The following IST1 variants were observed in gnomAD, a reference collection of about 807,000 sequenced individuals.
IST1 encodes IST1 factor associated with ESCRT-III, also known as IST1 homolog.
In IST1, 23 loss-of-function variants were observed where a neutral mutation model predicts 37.0. The ratio of observed to expected loss-of-function variants is 0.62; its 90% CI spans 0.45 to 0.88. The LOEUF (loss-of-function observed/expected upper bound fraction) is 0.88. Ranked by LOEUF, IST1 falls within the 40% of genes least tolerant of loss-of-function variation. IST1 has a pLI of 0.00. For synonymous variants in IST1, 180 were observed against 161.7 expected, an observed-to-expected ratio of 1.11 and a Z score of -0.86; for missense variants, 488 against 445.4, an observed-to-expected ratio of 1.10 and a Z score of -0.86.
In IST1 at chr16:71,929,508, A is replaced by C. The variant is rs1399301140; in HGVS notation, c.*1695A>C. ...CAAAGATAAGTAGTAATACGCTAAT[A>C]AATACTAAGCCAAGTAGGAGATAAC... On this transcript the variant is annotated 3_prime_UTR_variant, in exon 10 of 10. Coordinates refer to ENST00000378799, the MANE Select transcript of IST1 (RefSeq NM_001270975.2). The C allele has an allele frequency of 6.5e-7, 1 of 1,530,524 alleles. No homozygotes were observed. The highest frequency in any genetic ancestry group is 8.8e-7 in the Non-Finnish European group (1 of 1,138,972). The allele number at this position is 1,530,524 out of a possible 1,614,324, so 94.8% of individuals were successfully genotyped here. A position where few individuals can be genotyped will look rare whatever the true frequency, so the allele number is the denominator to read the frequency against.
At chr16:71,907,325 T>C (rs2037247216) in intron 1 of IST1, among the ~76,000 whole-genome samples, 1 of 151,432 alleles carries the variant, frequency 6.6e-6, no homozygotes, top group Non-Finnish European at 1.5e-5. Context: ...TCGCCCATGC[T>C]GGAGTGCAGT....
intron 1 of IST1, among the ~76,000 whole-genome samples, chr16:71,895,794 C>T (rs2036953283): frequency 6.6e-6 from 1 of 152,226 alleles, no homozygotes; most frequent in Non-Finnish European, 1.5e-5. Flanking sequence ...GCTGCCCAGG[C>T]CTGGGTGGGG....
At chr16:71,915,576 C>T (rs1413290052) in intron 1 of IST1, 50 bp from the exon 2 acceptor site, 1 of 1,293,500 alleles carries the variant, frequency 7.7e-7, no homozygotes. Flanking sequence ...GTGTTAGTTC[C>T]TGAACTAATG....
intron 4 of IST1, among the ~76,000 whole-genome samples, chr16:71,918,565 C>T (rs1029289782): frequency 4.0e-5 from 6 of 151,852 alleles, no homozygotes; most frequent in Admixed American, 2.6e-4. Context: ...TACAGGTGCC[C>T]GCCACCATGC....
intron 4 of IST1, 63 bp from the exon 5 acceptor site, chr16:71,920,676 A>C: frequency 1.7e-6 from 2 of 1,176,572 alleles, no homozygotes; most frequent in Non-Finnish European, 2.5e-6. Context: ...GTTGCCAGGA[A>C]GAAGCTTAAA....
At chr16:71,894,669 G>A (rs914672802), upstream of IST1, 6 of 550,924 alleles carry the variant, frequency 1.1e-5, no homozygotes, top group East Asian at 1.9e-4. Context: ...GAGACCACAA[G>A]TGCTCACTGC....
intron 1 of IST1, among the ~76,000 whole-genome samples, chr16:71,899,322 T>C (rs932926671): frequency 6.6e-6 from 1 of 152,150 alleles, no homozygotes; most frequent in African/African-American, 2.4e-5. Flanking sequence ...CTCATGCCTG[T>C]AATCCCAGCA....
intron 1 of IST1, 115 bp downstream of exon 1, chr16:71,895,704 G>A (rs1218102885): frequency 1.1e-5 from 3 of 264,080 alleles, no homozygotes; most frequent in Non-Finnish European, 1.8e-5. Flanking sequence ...TTCGGAGGGG[G>A]CAGCTGAGGA....
Position 71,895,567 on chromosome 16 carries a change from C to G in IST1, c.-38C>G. On this transcript the variant is annotated 5_prime_UTR_variant, in exon 1 of 10. Coordinates refer to ENST00000378799, the MANE Select transcript of IST1 (RefSeq NM_001270975.2). The stretch of plus-strand genomic sequence containing the variant: ...TGAACCCTGAAGTCGGTGTCTGCTG[C>G]GTTCACGGCAGGATTCGGTTAGGTG... The G allele has an allele frequency of 2.0e-6, 2 of 985,358 alleles. No individual in the cohort carries two copies. The highest frequency in any genetic ancestry group is 2.4e-6 in the Non-Finnish European group (2 of 829,758). 61.0% of individuals were successfully genotyped at this position (985,358 alleles called of 1,614,324 possible). A position where few individuals can be genotyped will look rare whatever the true frequency, so the allele number is the denominator to read the frequency against.
intron 4 of IST1, among the ~76,000 whole-genome samples, chr16:71,918,316 C>G (rs1597250459): frequency 1.4e-5 from 2 of 138,096 alleles, no homozygotes; most frequent in Admixed American, 1.4e-4. Flanking sequence ...TAACTCCCCC[C>G]AGAGAATAAA....
At chr16:71,917,189 T>C (rs1349341492) in intron 4 of IST1, 55 bp downstream of exon 4, 1 of 1,118,326 alleles carries the variant, frequency 8.9e-7, no homozygotes, top group African/African-American at 1.6e-5. Context: ...TTAGAAAGGT[T>C]GGTTAATATA....
chr16:71,927,552 G>C (rs2037775213), intron 9 of IST1, 62 bp from the exon 10 acceptor site: 1 of 1,173,010 alleles, frequency 8.5e-7, no homozygotes, highest in East Asian at 2.3e-5. Flanking sequence ...TATTTTTACT[G>C]CCAAAGGGGA....
chr16:71,925,926 C>T (rs568813481), intron 9 of IST1, among the ~76,000 whole-genome samples: 1 of 148,452 alleles, frequency 6.7e-6, no homozygotes, highest in East Asian at 2.1e-4. Context: ...AAAGTGAGAC[C>T]CTGTCTTAAA....
intron 1 of IST1, among the ~76,000 whole-genome samples, chr16:71,900,300 A>G (rs958489716): frequency 2.0e-5 from 3 of 151,144 alleles, no homozygotes; most frequent in African/African-American, 7.3e-5. Context: ...TAGAGCTACA[A>G]ACACTGAGTT....
rs553458773 is a variant in IST1 at position 71,916,714 on chromosome 16, C to T, written c.269+72C>T. 837 of 1,270,302 alleles carry T rather than the reference C, an allele frequency of 6.6e-4. 16 individuals are homozygous for T. In the South Asian group the frequency reaches 0.011, roughly 17 times the overall value. The allele number at this position is 1,270,302 out of a possible 1,614,324, so 78.7% of individuals were successfully genotyped here. Reference sequence around the variant, plus strand: ...AAAGGAGTAATATGATCTCTTTCTGCATTAAGGGACTATTTCACATGCCCA... The same window carrying T: ...AAAGGAGTAATATGATCTCTTTCTGTATTAAGGGACTATTTCACATGCCCA... On this transcript the variant is annotated intron_variant, in intron 3 of 9. Coordinates refer to ENST00000378799, the MANE Select transcript of IST1 (RefSeq NM_001270975.2).
intron 4 of IST1, among the ~76,000 whole-genome samples, chr16:71,920,050 C>G (rs571901844): frequency 6.6e-6 from 1 of 152,150 alleles, no homozygotes; most frequent in Admixed American, 6.6e-5. Flanking sequence ...TGTCCTGATT[C>G]CATTGGCTGG....
At position 71,900,017 on chromosome 16, in the gene IST1, T is replaced by A. The variant is rs1187488879; in HGVS notation, c.-16+4428T>A. ...GTCTCAAAAAAAAAAAAAAAAAAAA[T>A]TAGCTGGGCGTGATGGCAGACACCT... On this transcript the variant is annotated intron_variant, in intron 1 of 9. Transcript: ENST00000378799. Among the ~76,000 whole-genome samples the A allele has an allele frequency of 1.4e-3, 146 of 106,086 alleles. 1 individual carries two copies. The highest frequency in any genetic ancestry group is 2.3e-3 in the Non-Finnish European group (110 of 47,698). The allele number at this position is 106,086 out of a possible 152,430, so 69.6% of individuals were successfully genotyped here.
chr16:71,918,987 T>G (rs1168605391), intron 4 of IST1, among the ~76,000 whole-genome samples: 1 of 152,006 alleles, frequency 6.6e-6, no homozygotes, highest in East Asian at 1.9e-4. Flanking sequence ...CTACTGTCGT[T>G]TCCTGTCTGG....
chr16:71,929,603 A>G lies in IST1; in HGVS notation c.*1790A>G. 1 of 1,551,792 alleles carries G rather than the reference A, an allele frequency of 6.4e-7. No individual in the cohort carries two copies. ...GCTGTCGTGGCTGCTTGCTCAGATGAGGTTTTTTGGGGCCAACTGATTCCT... is the reference window on the plus strand; with the variant it reads ...GCTGTCGTGGCTGCTTGCTCAGATGGGGTTTTTTGGGGCCAACTGATTCCT... On this transcript the variant is annotated 3_prime_UTR_variant, in exon 10 of 10. Coordinates refer to ENST00000378799, the MANE Select transcript of IST1 (RefSeq NM_001270975.2).
Sources: gnomAD v4.1 joint callset for allele counts (sites outside exome capture counted in the v4.1 genomes callset) on GRCh38, gnomAD v4.1.1 for gene constraint, MANE v1.5 for transcripts, NCBI Gene and HGNC (gene_info 2026-07-23, HGNC 2026-07-21) for gene names.